ZNF197: variants seen among roughly 807,000 people sequenced by gnomAD.
ZNF197 encodes the protein zinc finger protein 197, also known as VHL-associated KRAB-A domain-containing protein.
ZNF197 carries 14 observed loss-of-function variants against 27.4 expected under a neutral mutation model. That is an observed-to-expected ratio of 0.51 (90% CI 0.34 to 0.80). The LOEUF (loss-of-function observed/expected upper bound fraction) is 0.80. Ranked by LOEUF, ZNF197 falls within the 30% of genes least tolerant of loss-of-function variation. ZNF197 has a pLI of 0.02. For synonymous variants in ZNF197, 415 were observed against 420.0 expected (o/e 0.99, Z 0.15); for missense variants, 1,090 against 1,222.6 (o/e 0.89, Z 1.62).
intron 1 of ZNF197, among the ~76,000 whole-genome samples, chr3:44,628,704 C>T (rs1470306980): frequency 6.6e-6 from 1 of 152,168 alleles, no homozygotes; most frequent in Non-Finnish European, 1.5e-5. Context: ...CTGTTACTAT[C>T]CCTATTTTAC....
At chr3:44,631,358 T>C (rs1047435892) in intron 3 of ZNF197, 137 bp downstream of exon 3, 2 of 1,106,018 alleles carry the variant, frequency 1.8e-6, no homozygotes, top group African/African-American at 1.6e-5. Context: ...TGCTGTTCTG[T>C]TGTTCTCTCC....
intron 3 of ZNF197, among the ~76,000 whole-genome samples, chr3:44,631,630 T>C (rs574475755): frequency 1.3e-5 from 2 of 152,084 alleles, no homozygotes; most frequent in East Asian, 3.9e-4. Context: ...GGTCTTGATC[T>C]GACCTTGTGA....
Position 44,646,717 on chromosome 3 carries a change from T to C in ZNF197, c.*2497T>C. 1.9e-6 allele frequency: 1 copy of C among 533,012 alleles called. No homozygotes were observed. Among genetic ancestry groups the C allele is most frequent in the Non-Finnish European group, 3.3e-6 (1 of 299,538 alleles). The allele number at this position is 533,012 out of a possible 1,614,324, so 33.0% of individuals were successfully genotyped here. A position where few individuals can be genotyped will look rare whatever the true frequency, so the allele number is the denominator to read the frequency against. On this transcript the variant is annotated 3_prime_UTR_variant, in exon 6 of 6. Coordinates refer to ENST00000344387, the MANE Select transcript of ZNF197 (RefSeq NM_006991.5). ...TGTATGAAAATTTCGATATGAAAGG[T>C]ATAAAACATGGATGAGGAGGCTTGT... is the stretch of plus-strand genomic sequence containing the variant.
chr3:44,640,955 C>G lies in ZNF197; in HGVS notation c.770-945C>G, dbSNP rs1301984948. 5.3e-5 allele frequency among the ~76,000 whole-genome samples: 8 copies of G among 152,194 alleles called. No individual in the cohort carries two copies. Among genetic ancestry groups the G allele is most frequent in the African/African-American group, 1.9e-4 (8 of 41,446 alleles). ...AATAAAATGGCTGCACTCTTGTCTT[C>G]TCTCTCTGTTTAGATAGAAGAAAAG... On this transcript the variant is annotated intron_variant, in intron 5 of 5. Coordinates refer to ENST00000344387, the MANE Select transcript of ZNF197 (RefSeq NM_006991.5). The surrounding 1 kb of genome is among the most constrained non-coding windows in gnomAD (Gnocchi z 4.0).
chr3:44,643,317 A>C lies in ZNF197; in HGVS notation c.2187A>C (p.Thr729=), dbSNP rs140021276. Residue 729 remains threonine, a synonymous_variant, in exon 6 of 6, where the codon ACA becomes ACC. Coordinates refer to ENST00000344387, the MANE Select transcript of ZNF197 (RefSeq NM_006991.5). ...KSFMVHQKLH[T]QEKAYKCEDC... is the part of the protein sequence containing the mutation. ...TTATGGTCCATCAGAAACTCCATAC[A>C]CAAGAGAAAGCCTACAAATGTGAGG... is the stretch of plus-strand genomic sequence containing the variant. The C allele has an allele frequency of 8.1e-6, 13 of 1,613,692 alleles. No individual in the cohort carries two copies. The highest frequency in any genetic ancestry group is 1.1e-5 in the Non-Finnish European group (13 of 1,179,934).
In ZNF197 at chr3:44,629,490, G is replaced by C; in HGVS notation, c.336G>C (p.Glu112Asp). The C allele has an allele frequency of 6.2e-7, 1 of 1,601,452 alleles. No homozygotes were observed. The highest frequency in any genetic ancestry group is 8.5e-7 in the Non-Finnish European group (1 of 1,174,640). ...VQLHHPGSGE[E>D]AVALVEELQK... ...TCCATCACCCTGGAAGTGGCGAGGA[G>C]GCTGTGGCCCTGGTAGAGGAGCTGC... Residue 112 changes from glutamate to aspartate, a missense_variant, in exon 2 of 6, where the codon GAG (glutamate) becomes GAC (aspartate). Glu to Asp is a conservative substitution (Grantham distance 45). Transcript: ENST00000344387.
intron 5 of ZNF197, among the ~76,000 whole-genome samples, chr3:44,638,039 A>G (rs1045158486): frequency 2.6e-5 from 4 of 152,200 alleles, no homozygotes; most frequent in Admixed American, 2.0e-4. Context: ...CTGTAGATCA[A>G]TTTGAGGAGT....
At position 44,643,832 on chromosome 3, in the gene ZNF197, C is replaced by T; in HGVS notation, c.2702C>T (p.Pro901Leu). Residue 901 changes from proline (P) to leucine (L), a missense_variant, in exon 6 of 6, where the codon CCT becomes CTT. By Grantham distance (98) the Pro-to-Leu change is moderately conservative. Coordinates refer to ENST00000344387, the MANE Select transcript of ZNF197 (RefSeq NM_006991.5). Reference protein sequence around the residue: ...VHQRIHTGEKPYKCNECGKDF... With the variant: ...VHQRIHTGEKLYKCNECGKDF... ...CAAAGAATCCATACTGGAGAGAAAC[C>T]TTATAAATGTAATGAGTGTGGAAAA... 6.2e-7 allele frequency: 1 copy of T among 1,613,742 alleles called. No individual in the cohort carries two copies. The highest frequency in any genetic ancestry group is 8.5e-7 in the Non-Finnish European group (1 of 1,179,952).
rs1196770143 is a variant in ZNF197, at chr3:44,643,109, T to C, written c.1979T>C (p.Ile660Thr). Reference sequence around the variant, plus strand: ...TGTAATGAATGTGGGAAAGTTTTTATTCTGAAGAAGAGCCTCATTTTACAT... The same window carrying C: ...TGTAATGAATGTGGGAAAGTTTTTACTCTGAAGAAGAGCCTCATTTTACAT... ...YECNECGKVF[I>T]LKKSLILHQR... The change falls in exon 6 of 6, where the codon ATT (isoleucine) becomes ACT (threonine). Residue 660 changes from isoleucine to threonine, a missense_variant. Ile to Thr is a moderately conservative substitution (Grantham distance 89). Transcript: ENST00000344387. 4 of 1,613,620 alleles carry C rather than the reference T, an allele frequency of 2.5e-6. No homozygotes were observed. The highest frequency in any genetic ancestry group is 3.4e-6 in the Non-Finnish European group (4 of 1,179,898).
At position 44,641,936 on chromosome 3, in the gene ZNF197, C is replaced by T. The variant is rs1213961026; in HGVS notation, c.806C>T (p.Ser269Leu). 4.4e-6 allele frequency: 7 copies of T among 1,607,420 alleles called. No individual in the cohort carries two copies. The highest frequency in any genetic ancestry group is 5.1e-6 in the Non-Finnish European group (6 of 1,177,176). Residue 269 changes from serine (S) to leucine (L), a missense_variant, in exon 6 of 6, where the codon TCA becomes TTA. Coordinates refer to ENST00000344387, the MANE Select transcript of ZNF197 (RefSeq NM_006991.5). The part of the protein sequence containing the change: ...ETMTENEEVT[S>L]KPSSSQRADS... ...ATGACCGAGAATGAGGAGGTGACAT[C>T]AAAGCCAAGTAGTTCTCAAAGAGCA... is the stretch of plus-strand genomic sequence containing the variant.
chr3:44,629,506 G>C lies in ZNF197; in HGVS notation c.352G>C (p.Glu118Gln), dbSNP rs1183519399. The C allele has an allele frequency of 6.3e-7, 1 of 1,587,932 alleles. No homozygotes were observed. Among genetic ancestry groups the C allele is most frequent in the Non-Finnish European group, 8.6e-7 (1 of 1,168,692 alleles). Residue 118 changes from glutamate (E) to glutamine (Q), a missense_variant, in exon 2 of 6, where the codon GAG becomes CAG. Coordinates refer to ENST00000344387, the MANE Select transcript of ZNF197 (RefSeq NM_006991.5). ...GSGEEAVALV[E>Q]ELQKDLDGPA... ...TGGCGAGGAGGCTGTGGCCCTGGTA[G>C]AGGAGCTGCAGAAAGACCTTGATGG...
chr3:44,628,900 C>G, intron 1 of ZNF197, 174 bp from the exon 2 acceptor site: 1 of 348,678 alleles, frequency 2.9e-6, no homozygotes, highest in Non-Finnish European at 5.1e-6. Context: ...GTGTTTGTAT[C>G]CCAGAGCCTT....
chr3:44,635,829 A>C (rs1185140031), intron 5 of ZNF197, among the ~76,000 whole-genome samples: 1 of 152,202 alleles, frequency 6.6e-6, no homozygotes, highest in Non-Finnish European at 1.5e-5. Context: ...CCTGGGAATG[A>C]TGGAAGGATT....
In ZNF197 at chr3:44,629,261, C is replaced by T. The variant is rs142398783; in HGVS notation, c.107C>T (p.Ser36Phe). 5 of 1,614,084 alleles carry T rather than the reference C, an allele frequency of 3.1e-6. No homozygotes were observed. Among genetic ancestry groups the T allele is most frequent in the Non-Finnish European group, 4.2e-6 (5 of 1,180,046 alleles). The change falls in exon 2 of 6, where the codon TCT becomes TTT. Residue 36 changes from serine to phenylalanine, a missense_variant. By Grantham distance (155) the Ser-to-Phe change is radical. Coordinates refer to ENST00000344387, the MANE Select transcript of ZNF197 (RefSeq NM_006991.5). ...ACCAGCTTCCAAGGAAGTAGCTCCTCTGTTTGGGAGACCTCCCACCTACAC... is the reference window on the plus strand; with the variant it reads ...ACCAGCTTCCAAGGAAGTAGCTCCTTTGTTTGGGAGACCTCCCACCTACAC... ...WGTSFQGSSS[S>F]VWETSHLHFR...
At chr3:44,635,360 G>T (rs927756088) in intron 5 of ZNF197, among the ~76,000 whole-genome samples, 4 of 152,106 alleles carry the variant, frequency 2.6e-5, no homozygotes, top group Non-Finnish European at 5.9e-5. Context: ...ATACATTAAA[G>T]AAATGGTTCA....
chr3:44,637,776 T>C (rs575218657), intron 5 of ZNF197, among the ~76,000 whole-genome samples: 2 of 152,338 alleles, frequency 1.3e-5, no homozygotes, highest in East Asian at 1.9e-4. Flanking sequence ...ATCATAAATA[T>C]CAGGGTTTAT....
chr3:44,625,748 GCGCACA>G (rs777779325), intron 1 of ZNF197, among the ~76,000 whole-genome samples: 1,777 of 90,904 alleles, frequency 0.02, 13 homozygotes, highest in African/African-American at 0.038. Flanking sequence ...GCGCGCGCGC[GCGCACA>G]CACACACACA....
rs1272384245 is a variant in ZNF197, at chr3:44,642,028, G to A, written c.898G>A (p.Glu300Lys). The change falls in exon 6 of 6, where the codon GAG (glutamate) becomes AAG (lysine). Residue 300 changes from glutamate to lysine, a missense_variant. Physicochemically the swap from Glu to Lys is moderately conservative, Grantham distance 56 (BLOSUM62 1). Transcript: ENST00000344387. ...TCCCCAGGTCCTTGATTTTGAAGAA[G>A]AGTGTGAATGGCAAGTTTTGGCAAG... ...SVPQVLDFEE[E>K]CEWQVLASQW... is the part of the protein sequence containing the mutation. The A allele has an allele frequency of 4.3e-6, 7 of 1,614,118 alleles. No individual in the cohort carries two copies. In the South Asian group the frequency reaches 7.7e-5, roughly 18 times the overall value.
rs147540127 is a variant in ZNF197, at chr3:44,645,789, C to T, written c.*1569C>T. On this transcript the variant is annotated 3_prime_UTR_variant, in exon 6 of 6. Coordinates refer to ENST00000344387, the MANE Select transcript of ZNF197 (RefSeq NM_006991.5). The stretch of plus-strand genomic sequence containing the variant: ...CATAAATTTTTCACATGGAGCCAAG[C>T]TCTTCACTGATTAAGCCAGTGCAGA... The T allele has an allele frequency of 1.0e-6, 1 of 985,440 alleles. No homozygotes were observed. The highest frequency in any genetic ancestry group is 1.1e-4 in the East Asian group (1 of 8,810). 61.0% of individuals were successfully genotyped at this position (985,440 alleles called of 1,614,324 possible).
Sources: allele counts gnomAD v4.1 joint callset (sites outside exome capture counted in the v4.1 genomes callset), GRCh38; gene constraint gnomAD v4.1.1; non-coding constraint Gnocchi (gnomAD v3.1); transcripts MANE v1.5; gene names NCBI Gene and HGNC (gene_info 2026-07-23, HGNC 2026-07-21).